The following DPYSL3 variants were observed in gnomAD, a reference collection of about 807,000 sequenced individuals.
DPYSL3 encodes the protein dihydropyrimidinase like 3, also known as dihydropyrimidinase-related protein 3.
DPYSL3 carries 16 observed loss-of-function variants against 66.1 expected under a neutral mutation model. The observed-to-expected ratio is 0.24, with a 90% CI of 0.16 to 0.37. The LOEUF is 0.37. DPYSL3 is among the 10% of genes least tolerant of loss of function. The pLI is 1.00. For synonymous variants in DPYSL3, 338 were observed against 345.1 expected, an observed-to-expected ratio of 0.98 and a Z score of 0.23; for missense variants, 738 against 916.2, an observed-to-expected ratio of 0.81 and a Z score of 2.51.
chr5:147,480,633 C>G (rs1269232703), intron 1 of DPYSL3, among the ~76,000 whole-genome samples: 1 of 151,570 alleles, frequency 6.6e-6, no homozygotes, highest in African/African-American at 2.4e-5. Context: ...CTGTAGGAAG[C>G]TAGGACCACA....
chr5:147,428,234 G>T (rs1752235298), intron 1 of DPYSL3, among the ~76,000 whole-genome samples: 1 of 152,156 alleles, frequency 6.6e-6, no homozygotes, highest in Non-Finnish European at 1.5e-5. Flanking sequence ...AGATTAAGAA[G>T]AGTTTTCTCC....
chr5:147,459,502 T>C (rs1257548635), intron 1 of DPYSL3, among the ~76,000 whole-genome samples: 1 of 151,886 alleles, frequency 6.6e-6, no homozygotes, highest in Non-Finnish European at 1.5e-5. Flanking sequence ...TGTTACAGAA[T>C]GAAAACCAAA....
At chr5:147,467,730 T>C (rs1426140458) in intron 1 of DPYSL3, among the ~76,000 whole-genome samples, 1 of 152,252 alleles carries the variant, frequency 6.6e-6, no homozygotes, top group Non-Finnish European at 1.5e-5. Context: ...ATTATACCTT[T>C]CATGGGGATT....
At chr5:147,491,457 G>A (rs1753414188) in intron 1 of DPYSL3, among the ~76,000 whole-genome samples, 1 of 152,130 alleles carries the variant, frequency 6.6e-6, no homozygotes, top group Non-Finnish European at 1.5e-5. Context: ...CAAAACAAGA[G>A]TCAGCTATGG....
chr5:147,477,030 A>G lies in DPYSL3; in HGVS notation c.381+32448T>C, dbSNP rs115477408. 8.6e-3 allele frequency among the ~76,000 whole-genome samples: 1,310 copies of G among 152,324 alleles called. 7 individuals are homozygous for G. The highest frequency in any genetic ancestry group is 0.017 in the Middle Eastern group (5 of 294). On this transcript the variant is annotated intron_variant, in intron 1 of 13. Coordinates refer to ENST00000343218, the MANE Select transcript of DPYSL3 (RefSeq NM_001197294.2). The stretch of plus-strand genomic sequence containing the variant: ...TACTCTGAGCAAGATTTAAGACACA[A>G]TAAGTACCCCCCAGTTCCCTCAAAA...
At chr5:147,398,983 G>A in intron 11 of DPYSL3, 99 bp downstream of exon 11, 1 of 1,485,152 alleles carries the variant, frequency 6.7e-7, no homozygotes, top group Non-Finnish European at 9.1e-7. Context: ...ACCCGTCCTA[G>A]TCTAACTACC....
chr5:147,414,512 G>C (rs1012189942), intron 4 of DPYSL3, among the ~76,000 whole-genome samples: 5 of 152,112 alleles, frequency 3.3e-5, no homozygotes, highest in Non-Finnish European at 7.3e-5. Flanking sequence ...GCCAAAACTG[G>C]GTTGTAATTT....
At chr5:147,463,727 C>T (rs897115658) in intron 1 of DPYSL3, among the ~76,000 whole-genome samples, 1 of 152,124 alleles carries the variant, frequency 6.6e-6, no homozygotes, top group African/African-American at 2.4e-5. Flanking sequence ...AATGCTGATT[C>T]AGCTACTGGT....
At chr5:147,416,368 A>G (rs1286238403) in intron 3 of DPYSL3, among the ~76,000 whole-genome samples, 1 of 152,184 alleles carries the variant, frequency 6.6e-6, no homozygotes, top group African/African-American at 2.4e-5. Flanking sequence ...GGCATAAGAC[A>G]TTGAGGCTCT....
At chr5:147,398,045 A>C (rs6887761) in intron 11 of DPYSL3, among the ~76,000 whole-genome samples, 200 bp from the exon 12 acceptor site, 69,500 of 151,910 alleles carry the variant, frequency 0.46, 16,617 homozygotes, top group African/African-American at 0.57. Flanking sequence ...TCCTAGCAAA[A>C]AGAAGTGTCC....
chr5:147,451,078 T>C (rs986465974), intron 1 of DPYSL3, among the ~76,000 whole-genome samples: 6 of 152,224 alleles, frequency 3.9e-5, no homozygotes, highest in African/African-American at 7.2e-5. Flanking sequence ...TAATCTTCTA[T>C]AGACATGCAA....
intron 1 of DPYSL3, among the ~76,000 whole-genome samples, chr5:147,480,880 G>T (rs963320586): frequency 2.0e-5 from 3 of 151,578 alleles, no homozygotes; most frequent in Admixed American, 1.3e-4. Flanking sequence ...GTGCCACTAC[G>T]CCCGGCTCAT....
chr5:147,499,234 A>G (rs1348130705), intron 1 of DPYSL3, among the ~76,000 whole-genome samples: 1 of 152,230 alleles, frequency 6.6e-6, no homozygotes, highest in Non-Finnish European at 1.5e-5. Context: ...ATGATTATCT[A>G]TGTAGAAAAT....
At chr5:147,451,603 T>A (rs1752729230) in intron 1 of DPYSL3, among the ~76,000 whole-genome samples, 1 of 152,080 alleles carries the variant, frequency 6.6e-6, no homozygotes, top group African/African-American at 2.4e-5. Flanking sequence ...ACAGGCTGAG[T>A]CCAGAAGAAG....
chr5:147,416,967 A>T (rs1561779618), intron 3 of DPYSL3, among the ~76,000 whole-genome samples: 1 of 152,238 alleles, frequency 6.6e-6, no homozygotes, highest in Non-Finnish European at 1.5e-5. Flanking sequence ...AAAATATAAT[A>T]CATATACTGT....
Position 147,391,312 on chromosome 5 carries a change from C to T in DPYSL3, c.*2723G>A, listed in dbSNP as rs1581165473. On this transcript the variant is annotated 3_prime_UTR_variant, in exon 14 of 14. Transcript: ENST00000343218. ...TTTCAGGATGACTACAATCCTTCCACTTCTAGAAAACTTAGAAGTACAAGA... is the reference window on the plus strand; with the variant it reads ...TTTCAGGATGACTACAATCCTTCCATTTCTAGAAAACTTAGAAGTACAAGA... 2 of 152,684 alleles carry T rather than the reference C, an allele frequency of 1.3e-5. No homozygotes were observed. Among genetic ancestry groups the T allele is most frequent in the East Asian group, 3.8e-4 (2 of 5,202 alleles). 9.5% of individuals were successfully genotyped at this position (152,684 alleles called of 1,614,324 possible). A position where few individuals can be genotyped will look rare whatever the true frequency, so the allele number is the denominator to read the frequency against.
rs1752789392 is a variant in DPYSL3, at chr5:147,453,710, G to A, written c.382-28747C>T. 8 of 1,327,834 alleles carry A rather than the reference G, an allele frequency of 6.0e-6. No individual in the cohort carries two copies. In the East Asian group the frequency reaches 1.2e-4, roughly 21 times the overall value. 82.3% of individuals were successfully genotyped at this position (1,327,834 alleles called of 1,614,324 possible). Reference sequence around the variant, plus strand: ...GAGTGAATGGTGCGCTGGCCGCGCCGCCGCCTCCGCCCGCCTCCGCCCCCC... The same window carrying A: ...GAGTGAATGGTGCGCTGGCCGCGCCACCGCCTCCGCCCGCCTCCGCCCCCC... On this transcript the variant is annotated intron_variant, in intron 1 of 13. Coordinates refer to ENST00000343218, the MANE Select transcript of DPYSL3 (RefSeq NM_001197294.2).
At chr5:147,450,750 A>C (rs1581201180) in intron 1 of DPYSL3, among the ~76,000 whole-genome samples, 3 of 152,302 alleles carry the variant, frequency 2.0e-5, no homozygotes, top group African/African-American at 7.2e-5. Flanking sequence ...TGGACCCAAA[A>C]CAGTGGTAGA....
At chr5:147,478,974 A>T (rs1425764345) in intron 1 of DPYSL3, among the ~76,000 whole-genome samples, 1 of 152,178 alleles carries the variant, frequency 6.6e-6, no homozygotes, top group Non-Finnish European at 1.5e-5. Flanking sequence ...TTCTTTATCA[A>T]GTATTTGCAC....
Sources: gnomAD v4.1 joint callset for allele counts (sites outside exome capture counted in the v4.1 genomes callset) on GRCh38, gnomAD v4.1.1 for gene constraint, MANE v1.5 for transcripts, NCBI Gene and HGNC (gene_info 2026-07-23, HGNC 2026-07-21) for gene names.